PABPC4L: variants seen among roughly 807,000 people sequenced by gnomAD.
PABPC4L encodes poly(A) binding protein cytoplasmic 4 like.
For missense variants in PABPC4L, 452 were observed against 451.4 expected (o/e 1.00, Z -0.01); for synonymous variants, 169 against 164.1 (o/e 1.03, Z -0.23).
At chr4:133,999,741 T>C in the PABPC4L span, among the ~76,000 whole-genome samples, 72,041 of 151,806 alleles carry the variant, frequency 0.47, 18,659 homozygotes, top group African/African-American at 0.65. Context: ...TATGTTTCAT[T>C]AAAATAATAA....
the PABPC4L span, among the ~76,000 whole-genome samples, chr4:134,023,591 C>G: frequency 6.6e-6 from 1 of 151,930 alleles, no homozygotes; most frequent in African/African-American, 2.4e-5. Flanking sequence ...TTCCCAATTT[C>G]AATTGCATTT....
the PABPC4L span, among the ~76,000 whole-genome samples, chr4:134,062,365 C>T: frequency 6.6e-6 from 1 of 151,970 alleles, no homozygotes; most frequent in Non-Finnish European, 1.5e-5. Context: ...TTACTCTTTT[C>T]TAAACTGACC....
the PABPC4L span, among the ~76,000 whole-genome samples, chr4:134,043,407 G>T: frequency 3.8e-4 from 58 of 152,146 alleles, 2 homozygotes; most frequent in East Asian, 0.011. Context: ...TAAGATATTT[G>T]CCCCTAAAAT....
chr4:134,117,414 G>T, the PABPC4L span, among the ~76,000 whole-genome samples: 1 of 151,888 alleles, frequency 6.6e-6, no homozygotes, highest in East Asian at 1.9e-4. Flanking sequence ...TACATGGAAT[G>T]ATAAAAATAT....
the PABPC4L span, among the ~76,000 whole-genome samples, chr4:134,029,949 T>G: frequency 1.3e-5 from 2 of 151,964 alleles, no homozygotes; most frequent in East Asian, 3.9e-4. Flanking sequence ...TCTCATGAGA[T>G]CTGATGGTTT....
the PABPC4L span, among the ~76,000 whole-genome samples, chr4:134,112,004 A>C: frequency 1.3e-5 from 2 of 152,042 alleles, no homozygotes; most frequent in East Asian, 1.9e-4. Context: ...ATTAAAATCA[A>C]ATATGAAATA....
the PABPC4L span, among the ~76,000 whole-genome samples, chr4:134,128,119 G>T: frequency 5.9e-5 from 9 of 152,068 alleles, no homozygotes; most frequent in African/African-American, 2.2e-4. Flanking sequence ...AAAGAAAAAA[G>T]AATTTTAAAA....
chr4:133,988,522 A>T, the PABPC4L span, among the ~76,000 whole-genome samples: 1 of 152,194 alleles, frequency 6.6e-6, no homozygotes, highest in Non-Finnish European at 1.5e-5. Flanking sequence ...CTTTAACCCC[A>T]TGTCTCACAT....
At chr4:134,012,262 C>T in the PABPC4L span, among the ~76,000 whole-genome samples, 472 of 152,234 alleles carry the variant, frequency 3.1e-3, 2 homozygotes, top group Middle Eastern at 6.8e-3. Context: ...GTGACCTGCA[C>T]GTACACACTC....
the PABPC4L span, among the ~76,000 whole-genome samples, chr4:134,163,695 C>T: frequency 1.2e-4 from 19 of 152,078 alleles, no homozygotes; most frequent in African/African-American, 4.6e-4. Context: ...TCAAGATATG[C>T]AAGTCAATAA....
chr4:134,080,998 A>G, the PABPC4L span, among the ~76,000 whole-genome samples: 4 of 152,166 alleles, frequency 2.6e-5, no homozygotes, highest in Non-Finnish European at 5.9e-5. Flanking sequence ...CAGACTCCAA[A>G]GCAATTTTTT....
the PABPC4L span, among the ~76,000 whole-genome samples, chr4:134,009,922 T>C: frequency 6.6e-6 from 1 of 152,190 alleles, no homozygotes; most frequent in African/African-American, 2.4e-5. Context: ...TTTTAGTAGA[T>C]TCTCATTGAT....
At chr4:134,050,233 C>T in the PABPC4L span, among the ~76,000 whole-genome samples, 1 of 152,124 alleles carries the variant, frequency 6.6e-6, no homozygotes, top group African/African-American at 2.4e-5. Context: ...TTGATTAAGA[C>T]ATCTCATGAA....
At chr4:134,037,284 T>C in the PABPC4L span, among the ~76,000 whole-genome samples, 1 of 152,090 alleles carries the variant, frequency 6.6e-6, no homozygotes, top group Non-Finnish European at 1.5e-5. Context: ...TGAGCATGGA[T>C]GTATTTTCAT....
chr4:134,161,084 G>T, the PABPC4L span, among the ~76,000 whole-genome samples: 1 of 151,820 alleles, frequency 6.6e-6, no homozygotes, highest in Non-Finnish European at 1.5e-5. Context: ...ACTTAACAAA[G>T]AGATTGAAAT....
the PABPC4L span, among the ~76,000 whole-genome samples, chr4:133,987,315 C>T: frequency 6.6e-6 from 1 of 152,056 alleles, no homozygotes; most frequent in African/African-American, 2.4e-5. Context: ...TAACTTTATT[C>T]AAAGATGTAT....
chr4:134,091,380 C>T, the PABPC4L span, among the ~76,000 whole-genome samples: 7 of 151,754 alleles, frequency 4.6e-5, no homozygotes, highest in African/African-American at 7.2e-5. Flanking sequence ...ATTTAAAATG[C>T]TTTCCTTTCT....
At position 134,200,002 on chromosome 4, in the gene PABPC4L, A is replaced by G. The variant is rs1729794376; in HGVS notation, c.1018T>C (p.Ser340Pro). The G allele has an allele frequency of 1.3e-6, 2 of 1,551,524 alleles. No homozygotes were observed. The highest frequency in any genetic ancestry group is 1.2e-5 in the South Asian group (1 of 84,066). Residue 340 changes from serine to proline, a missense_variant, in exon 2 of 2, where the codon TCC (serine) becomes CCC (proline). Physicochemically the swap from Ser to Pro is moderately conservative, Grantham distance 74. Coordinates refer to ENST00000421491, the MANE Select transcript of PABPC4L (RefSeq NM_001114734.2). ...QSKGFGLICF[S>P]SPEDATKAMT... ...GCTTTAGTAGCATCCTCAGGAGAGG[A>G]GAAGCAGATCAAGCCAAACCCTTTG... is the stretch of plus-strand genomic sequence containing the variant.
At chr4:134,189,074 A>G in the PABPC4L span, among the ~76,000 whole-genome samples, 1 of 152,054 alleles carries the variant, frequency 6.6e-6, no homozygotes. Flanking sequence ...CAATCTACTA[A>G]TAATGAGGCC....
Sources: gnomAD v4.1 joint callset for allele counts (sites outside exome capture counted in the v4.1 genomes callset) on GRCh38, gnomAD v4.1.1 for gene constraint, MANE v1.5 for transcripts, NCBI Gene and HGNC (gene_info 2026-07-23, HGNC 2026-07-21) for gene names.